RMDN1: variants seen among roughly 807,000 people sequenced by gnomAD.
RMDN1 encodes regulator of microtubule dynamics 1, also known as regulator of microtubule dynamics protein 1.
Under a neutral mutation model 48.9 loss-of-function variants are expected in RMDN1, and 48 were observed. The ratio of observed to expected loss-of-function variants is 0.98; its 90% confidence interval spans 0.78 to 1.25. RMDN1 has a LOEUF of 1.25. Ranked by LOEUF, RMDN1 falls within the 50% of genes most tolerant of loss-of-function variation. RMDN1 has a pLI of 0.00. For missense variants in RMDN1, 418 were observed against 373.4 expected (o/e 1.12, Z -0.98); for synonymous variants, 148 against 132.6 (o/e 1.12, Z -0.80).
upstream of RMDN1, among the ~76,000 whole-genome samples, chr8:86,512,915 T>G (rs1356506685): frequency 6.6e-6 from 1 of 151,770 alleles, no homozygotes; most frequent in Non-Finnish European, 1.5e-5. Flanking sequence ...TTCTTAAAAA[T>G]AAATAAAATA....
Position 86,479,085 on chromosome 8 carries a change from T to C in RMDN1, c.642-75A>G, listed in dbSNP as rs537242354. The C allele has an allele frequency of 8.5e-5, 93 of 1,091,276 alleles. 1 individual carries two copies. The South Asian group carries it at 1.0e-3, about 12-fold the overall frequency. The allele number at this position is 1,091,276 out of a possible 1,614,324, so 67.6% of individuals were successfully genotyped here. A position where few individuals can be genotyped will look rare whatever the true frequency, so the allele number is the denominator to read the frequency against. On this transcript the variant is annotated intron_variant, in intron 6 of 9. Transcript: ENST00000406452. The stretch of plus-strand genomic sequence containing the variant: ...TCTTAAAGTTAACTAAGCATCTTAA[T>C]ACTATAAAAGGAATCTTCTACTGTA...
chr8:86,497,347 AC>A (rs1233233644), intron 2 of RMDN1, among the ~76,000 whole-genome samples: 25 of 152,288 alleles, frequency 1.6e-4, no homozygotes, highest in African/African-American at 5.8e-4. Flanking sequence ...AATCAATGAA[AC>A]CAAAACTTGG....
intron 2 of RMDN1, chr8:86,505,082 C>G: frequency 1.4e-6 from 2 of 1,395,954 alleles, no homozygotes; most frequent in South Asian, 2.6e-5. Context: ...TGCCTCCTTC[C>G]ACCTCCCTCC....
chr8:86,489,465 C>T (rs762743089), intron 2 of RMDN1, among the ~76,000 whole-genome samples: 5 of 152,168 alleles, frequency 3.3e-5, no homozygotes, highest in African/African-American at 4.8e-5. Context: ...TACTGTACTA[C>T]TTAGTCCTAA....
exon 1 of RMDN1, chr8:86,514,265 A>G (rs902354015): frequency 1.7e-5 from 17 of 985,270 alleles, no homozygotes; most frequent in Non-Finnish European, 2.0e-5. Context: ...TTGCCTTTTC[A>G]GTAAGCGACT....
chr8:86,470,523 A>C, downstream of RMDN1: 4 of 863,894 alleles, frequency 4.6e-6, no homozygotes, highest in Non-Finnish European at 6.2e-6. Flanking sequence ...ATGAAGATAA[A>C]AGGACCCAGG....
At chr8:86,470,243 T>TAAGC (rs1373831655), downstream of RMDN1, 6 of 1,289,232 alleles carry the variant, frequency 4.7e-6, no homozygotes, top group African/African-American at 9.1e-5. Context: ...CGTGGGGAAA[T>TAAGC]AAGCATCTCA....
chr8:86,476,955 C>T (rs1007121828), intron 8 of RMDN1, among the ~76,000 whole-genome samples: 2 of 152,150 alleles, frequency 1.3e-5, no homozygotes, highest in East Asian at 3.8e-4. Context: ...TCTGCCTTGG[C>T]CTTCCAAAGT....
chr8:86,504,356 T>A, intron 2 of RMDN1: 1 of 1,576,504 alleles, frequency 6.3e-7, no homozygotes, highest in Non-Finnish European at 8.7e-7. Context: ...GTCACCGTGC[T>A]GGAGTTCTTT....
chr8:86,477,557 T>G (rs1453913932), intron 7 of RMDN1: 3 of 391,398 alleles, frequency 7.7e-6, no homozygotes, highest in Non-Finnish European at 1.4e-5. Context: ...GGTTGCTGTT[T>G]AGAACTTGTA....
At chr8:86,480,398 T>TACA in intron 5 of RMDN1, 66 bp from the exon 6 acceptor site, 2 of 865,532 alleles carry the variant, frequency 2.3e-6, no homozygotes, top group Admixed American at 3.0e-5. Flanking sequence ...TTTACTGTGT[T>TACA]TGCTGAAGAA....
chr8:86,501,380 T>C (rs969551582), intron 2 of RMDN1, among the ~76,000 whole-genome samples: 1 of 152,012 alleles, frequency 6.6e-6, no homozygotes, highest in Non-Finnish European at 1.5e-5. Context: ...AAAGAAGAAA[T>C]AGAGATAAGG....
intron 2 of RMDN1, among the ~76,000 whole-genome samples, chr8:86,500,525 AT>A (rs1818030456): frequency 7.1e-6 from 1 of 140,544 alleles, no homozygotes; most frequent in South Asian, 2.5e-4. Context: ...TCAAAAAAAA[AT>A]AATTAAAAAA....
At chr8:86,507,830 A>G (rs1819635381) in intron 1 of RMDN1, among the ~76,000 whole-genome samples, 1 of 152,228 alleles carries the variant, frequency 6.6e-6, no homozygotes, top group Non-Finnish European at 1.5e-5. Context: ...AATAATTCTG[A>G]AAGATTTTAA....
At chr8:86,493,241 T>G (rs1221185199) in intron 2 of RMDN1, among the ~76,000 whole-genome samples, 1 of 152,196 alleles carries the variant, frequency 6.6e-6, no homozygotes, top group African/African-American at 2.4e-5. Context: ...AATAAAGCTA[T>G]TGCATTATGG....
At chr8:86,469,800 A>G (rs1812393260), downstream of RMDN1, among the ~76,000 whole-genome samples, 1 of 152,206 alleles carries the variant, frequency 6.6e-6, no homozygotes, top group African/African-American at 2.4e-5. Flanking sequence ...GACATCTCCT[A>G]TATTCCAAAA....
chr8:86,476,490 G>A (rs1231511829), intron 8 of RMDN1, among the ~76,000 whole-genome samples: 1 of 152,002 alleles, frequency 6.6e-6, no homozygotes, highest in Non-Finnish European at 1.5e-5. Flanking sequence ...GGTCTATTTG[G>A]TATCATATGC....
chr8:86,511,155 C>A (rs1433130495), upstream of RMDN1, among the ~76,000 whole-genome samples: 1 of 150,194 alleles, frequency 6.7e-6, no homozygotes, highest in Non-Finnish European at 1.5e-5. Flanking sequence ...CAGAGTGAGA[C>A]ACCGTCTTTA....
At chr8:86,503,616 T>A (rs1157113994) in intron 2 of RMDN1, 2 of 492,728 alleles carry the variant, frequency 4.1e-6, no homozygotes, top group African/African-American at 3.9e-5. Context: ...ATCGTTGCCA[T>A]TACAGTTGCT....
Sources: allele counts gnomAD v4.1 joint callset (sites outside exome capture counted in the v4.1 genomes callset), GRCh38; gene constraint gnomAD v4.1.1; transcripts MANE v1.5; gene names NCBI Gene and HGNC (gene_info 2026-07-23, HGNC 2026-07-21).